Variants in NUDCD3 observed in about 807,000 individuals in gnomAD.
NUDCD3 encodes the protein nudC domain-containing protein 3.
In NUDCD3, 13 loss-of-function variants were observed where a neutral mutation model predicts 39.7. That is an observed-to-expected ratio of 0.33 (90% CI 0.21 to 0.52). The LOEUF (loss-of-function observed/expected upper bound fraction) is 0.52. NUDCD3 is among the 20% of genes least tolerant of loss of function. The pLI is 0.96. For synonymous variants in NUDCD3, 175 were observed against 172.4 expected, an observed-to-expected ratio of 1.02 and a Z score of -0.12; for missense variants, 453 against 458.1, an observed-to-expected ratio of 0.99 and a Z score of 0.10.
intron 2 of NUDCD3, among the ~76,000 whole-genome samples, chr7:44,430,948 G>A (rs1168451960): frequency 6.6e-6 from 1 of 152,180 alleles, no homozygotes; most frequent in Non-Finnish European, 1.5e-5. Context: ...CTCCTGCCGT[G>A]TCCTCAGTAG....
intron 4 of NUDCD3, among the ~76,000 whole-genome samples, chr7:44,393,099 C>T (rs1253878918): frequency 6.6e-6 from 1 of 152,090 alleles, no homozygotes; most frequent in Non-Finnish European, 1.5e-5. Context: ...CCTGTCCCCA[C>T]TTCTTCCTCA....
chr7:44,459,377 G>A (rs764441391), intron 2 of NUDCD3, among the ~76,000 whole-genome samples: 5 of 151,424 alleles, frequency 3.3e-5, no homozygotes, highest in East Asian at 1.9e-4. Flanking sequence ...TTTTCAAGAC[G>A]GGATCTCACT....
At chr7:44,430,276 C>T (rs1799331309) in intron 2 of NUDCD3, among the ~76,000 whole-genome samples, 1 of 152,178 alleles carries the variant, frequency 6.6e-6, no homozygotes, top group Non-Finnish European at 1.5e-5. Context: ...ACTAGCCTGA[C>T]CCTTGGAGCA....
In NUDCD3 at chr7:44,379,448, G is replaced by C. The variant is rs1798272714; in HGVS notation, c.*6563C>G. On this transcript the variant is annotated 3_prime_UTR_variant, in exon 6 of 6. Coordinates refer to ENST00000355451, the MANE Select transcript of NUDCD3 (RefSeq NM_015332.4). ...CTAGCTGCTCTGAAGTCGTGAGTGG[G>C]GACAGCAGAGCCTGTTCAGGAGGCT... 1 of 152,122 alleles carries C rather than the reference G, an allele frequency of 6.6e-6. No individual in the cohort carries two copies. Among genetic ancestry groups the C allele is most frequent in the Admixed American group, 6.5e-5 (1 of 15,284 alleles). 9.4% of individuals were successfully genotyped at this position (152,122 alleles called of 1,614,324 possible).
chr7:44,476,132 C>A (rs1254760183), intron 2 of NUDCD3, among the ~76,000 whole-genome samples: 4 of 152,072 alleles, frequency 2.6e-5, no homozygotes, highest in Non-Finnish European at 5.9e-5. Flanking sequence ...AAAGCCTCGA[C>A]TAGTAAAGGA....
intron 4 of NUDCD3, among the ~76,000 whole-genome samples, chr7:44,399,119 T>A (rs995060343): frequency 6.6e-6 from 1 of 152,158 alleles, no homozygotes; most frequent in Non-Finnish European, 1.5e-5. Context: ...TTTCCTCTCC[T>A]CCAACCCCAT....
rs1410497638 is a variant in NUDCD3, at chr7:44,427,677, G to A, written c.536C>T (p.Pro179Leu). The A allele has an allele frequency of 1.9e-6, 3 of 1,613,882 alleles. No individual in the cohort carries two copies. Among genetic ancestry groups the A allele is most frequent in the African/African-American group, 2.7e-5 (2 of 74,886 alleles). ...TCGGACAGCACCATTGTAACTGTCG[G>A]GATTTTTCTGGAACTGCTCCTGAAT... ...PRIQEQFQKN[P>L]DSYNGAVREN... Residue 179 changes from proline (P) to leucine (L), a missense_variant, in exon 3 of 6, where the codon CCC (proline) becomes CTC (leucine). Physicochemically the swap from Pro to Leu is moderately conservative, Grantham distance 98. Transcript: ENST00000355451.
chr7:44,463,734 T>C (rs1563184838), intron 2 of NUDCD3, among the ~76,000 whole-genome samples: 1 of 152,244 alleles, frequency 6.6e-6, no homozygotes, highest in Middle Eastern at 3.4e-3. Context: ...GAACAATTGT[T>C]ATCTCTGGGA....
At chr7:44,449,088 C>T (rs17711652) in intron 2 of NUDCD3, among the ~76,000 whole-genome samples, 19,552 of 152,156 alleles carry the variant, frequency 0.13, 1,669 homozygotes, top group Non-Finnish European at 0.19. Flanking sequence ...AGATGTATGG[C>T]TTCAGGCTCT....
chr7:44,405,545 C>T (rs904528357), intron 3 of NUDCD3, among the ~76,000 whole-genome samples: 4 of 152,136 alleles, frequency 2.6e-5, no homozygotes, highest in Non-Finnish European at 4.4e-5. Flanking sequence ...GGATCAAGTA[C>T]TTAAAACTTT....
At chr7:44,474,812 G>T (rs576776523) in intron 2 of NUDCD3, among the ~76,000 whole-genome samples, 1 of 152,128 alleles carries the variant, frequency 6.6e-6, no homozygotes, top group Non-Finnish European at 1.5e-5. Flanking sequence ...AAGTCAAATC[G>T]CTTGGAGGCT....
intron 4 of NUDCD3, among the ~76,000 whole-genome samples, chr7:44,397,831 T>C (rs1288026694): frequency 6.6e-6 from 1 of 152,198 alleles, no homozygotes; most frequent in East Asian, 1.9e-4. Context: ...GACAAGGAAA[T>C]AACTTATGAT....
intron 2 of NUDCD3, among the ~76,000 whole-genome samples, chr7:44,473,767 G>A (rs562286536): frequency 6.6e-6 from 1 of 152,226 alleles, no homozygotes; most frequent in African/African-American, 2.4e-5. Context: ...CAAAGGACAT[G>A]CTAAACCACA....
At chr7:44,412,021 C>G (rs1179223085) in intron 3 of NUDCD3, among the ~76,000 whole-genome samples, 2 of 152,232 alleles carry the variant, frequency 1.3e-5, no homozygotes, top group Admixed American at 1.3e-4. Flanking sequence ...TAGATACAAT[C>G]TTGTGGCACA....
intron 2 of NUDCD3, among the ~76,000 whole-genome samples, chr7:44,452,190 C>G (rs1370288250): frequency 2.6e-5 from 4 of 152,224 alleles, no homozygotes; most frequent in Non-Finnish European, 5.9e-5. Context: ...CACCTGTAAT[C>G]CCAGCACTTT....
chr7:44,475,932 CTTT>C (rs922631868), intron 2 of NUDCD3, among the ~76,000 whole-genome samples: 4 of 152,100 alleles, frequency 2.6e-5, no homozygotes, highest in East Asian at 3.9e-4. Context: ...AAAGCTTTTT[CTTT>C]TTTAAGAGAA....
At position 44,381,079 on chromosome 7, in the gene NUDCD3, G is replaced by C. The variant is rs1430281940; in HGVS notation, c.*4932C>G. On this transcript the variant is annotated 3_prime_UTR_variant, in exon 6 of 6. Transcript: ENST00000355451. ...GGGGTCAGTGCAGCGGCAATGTCTG[G>C]GTTGTTGAGGGTTTTGATGGGTGAT... is the stretch of plus-strand genomic sequence containing the variant. 1.3e-5 allele frequency: 2 copies of C among 152,334 alleles called. No individual in the cohort carries two copies. The highest frequency in any genetic ancestry group is 2.4e-5 in the African/African-American group (1 of 41,458). The allele number at this position is 152,334 out of a possible 1,614,324, so 9.4% of individuals were successfully genotyped here. A position where few individuals can be genotyped will look rare whatever the true frequency, so the allele number is the denominator to read the frequency against.
At chr7:44,472,937 T>C (rs1294559849) in intron 2 of NUDCD3, among the ~76,000 whole-genome samples, 1 of 152,158 alleles carries the variant, frequency 6.6e-6, no homozygotes, top group East Asian at 1.9e-4. Context: ...ACAAACGCCA[T>C]ACCCTTTGAC....
chr7:44,412,118 G>T, intron 3 of NUDCD3, among the ~76,000 whole-genome samples: 1 of 152,236 alleles, frequency 6.6e-6, no homozygotes, highest in East Asian at 1.9e-4. Flanking sequence ...GCCCCTCTAA[G>T]ACTAGGAAGA....
Sources: allele counts gnomAD v4.1 joint callset (sites outside exome capture counted in the v4.1 genomes callset), GRCh38; gene constraint gnomAD v4.1.1; transcripts MANE v1.5; gene names NCBI Gene and HGNC (gene_info 2026-07-23, HGNC 2026-07-21).